SHISA9: variants seen among roughly 807,000 people sequenced by gnomAD.
SHISA9 encodes protein shisa-9.
In SHISA9, 13 loss-of-function variants were observed where a neutral mutation model predicts 38.0. That is an observed-to-expected ratio of 0.34 (90% CI 0.22 to 0.54). The LOEUF is 0.54. Among genes scored for constraint, SHISA9 ranks in the 20% least tolerant of loss-of-function variants. The pLI, the probability that SHISA9 is intolerant of heterozygous loss-of-function variation, is 0.91. For missense variants in SHISA9, 538 were observed against 575.8 expected (o/e 0.93, Z 0.67); for synonymous variants, 275 against 242.0 (o/e 1.14, Z -1.27).
chr16:13,488,677 A>G, the SHISA9 span, among the ~76,000 whole-genome samples: 1 of 152,230 alleles, frequency 6.6e-6, no homozygotes, highest in African/African-American at 2.4e-5. Flanking sequence ...GATATCATCT[A>G]AGTTTGTGTA....
downstream of SHISA9, among the ~76,000 whole-genome samples, chr16:13,240,975 G>A (rs543881785): frequency 3.9e-5 from 6 of 152,278 alleles, no homozygotes; most frequent in South Asian, 1.2e-3. Flanking sequence ...GGAAGGCAAA[G>A]CAGCTAAGAA....
intron 2 of SHISA9, among the ~76,000 whole-genome samples, chr16:13,043,279 A>G (rs1434132505): frequency 6.6e-6 from 1 of 152,202 alleles, no homozygotes; most frequent in South Asian, 2.1e-4. Context: ...TATCAGTTCC[A>G]TCCATATTCT....
At chr16:13,490,444 A>T in the SHISA9 span, among the ~76,000 whole-genome samples, 2 of 152,186 alleles carry the variant, frequency 1.3e-5, no homozygotes, top group Non-Finnish European at 2.9e-5. Context: ...GTGCACCTGT[A>T]GTCTCAGCTC....
At position 13,214,255 on chromosome 16, in the gene SHISA9, G is replaced by A. The variant is rs142778805; in HGVS notation, c.895+955G>A. Among the ~76,000 whole-genome samples the A allele has an allele frequency of 2.5e-3, 377 of 152,272 alleles. 2 individuals are homozygous for A. The highest frequency in any genetic ancestry group is 8.3e-3 in the African/African-American group (345 of 41,560). On this transcript the variant is annotated intron_variant, in intron 4 of 4. Transcript: ENST00000558583. ...ACTCTGTCACTCAGGCTAAAGTGCC[G>A]TAGTGCGATCTTGGCTCACTGCAAC...
chr16:12,904,342 A>T (rs1041042998), intron 1 of SHISA9, among the ~76,000 whole-genome samples: 3 of 152,136 alleles, frequency 2.0e-5, no homozygotes, highest in Admixed American at 6.5e-5. Context: ...ACCAGCTCTT[A>T]AAAGAGTCCT....
At chr16:12,966,405 T>C (rs915028605) in intron 2 of SHISA9, among the ~76,000 whole-genome samples, 2 of 152,178 alleles carry the variant, frequency 1.3e-5, no homozygotes, top group African/African-American at 4.8e-5. Context: ...GTGCCAACTA[T>C]GTACCAGATA....
chr16:13,205,785 A>G (rs529033510), intron 3 of SHISA9, among the ~76,000 whole-genome samples: 36 of 152,146 alleles, frequency 2.4e-4, no homozygotes, highest in Middle Eastern at 3.4e-3. Context: ...TTTTTGAGAC[A>G]GAGTCTCACT....
chr16:13,172,929 G>A (rs556092124), intron 2 of SHISA9, among the ~76,000 whole-genome samples: 23 of 152,000 alleles, frequency 1.5e-4, no homozygotes, highest in Admixed American at 8.5e-4. Flanking sequence ...CTTACTTCCC[G>A]ATCTGTTCAA....
chr16:13,185,163 T>A (rs908139186), intron 2 of SHISA9, among the ~76,000 whole-genome samples: 10 of 152,220 alleles, frequency 6.6e-5, no homozygotes, highest in African/African-American at 2.2e-4. Flanking sequence ...TAACTCATTT[T>A]TGTATTATTT....
chr16:13,284,780 G>A, the SHISA9 span, among the ~76,000 whole-genome samples: 3 of 152,048 alleles, frequency 2.0e-5, no homozygotes, highest in Non-Finnish European at 2.9e-5. Context: ...TGTATTTTTT[G>A]TAGAGGCGAG....
the SHISA9 span, among the ~76,000 whole-genome samples, chr16:13,261,591 C>T: frequency 4.6e-5 from 7 of 152,328 alleles, no homozygotes; most frequent in South Asian, 1.5e-3. Flanking sequence ...TTTGGGGCAT[C>T]CAAATCCTTG....
chr16:13,476,738 G>GTGTTT, the SHISA9 span, among the ~76,000 whole-genome samples: 1 of 65,182 alleles, frequency 1.5e-5, no homozygotes, highest in African/African-American at 5.5e-5. Flanking sequence ...CCTGTTTTGT[G>GTGTTT]TTTTTTTTTT....
chr16:12,932,008 A>C (rs139235919), intron 2 of SHISA9, among the ~76,000 whole-genome samples: 1,551 of 152,226 alleles, frequency 0.01, 7 homozygotes, highest in East Asian at 0.032. Context: ...ACAGTGAATA[A>C]GTCTCATGAG....
chr16:13,355,238 T>G, the SHISA9 span, among the ~76,000 whole-genome samples: 1 of 150,604 alleles, frequency 6.6e-6, no homozygotes, highest in African/African-American at 2.4e-5. Context: ...TTTATAGGCT[T>G]TAAAAGGCCA....
At chr16:12,923,767 G>A (rs2071358819) in intron 2 of SHISA9, among the ~76,000 whole-genome samples, 1 of 152,042 alleles carries the variant, frequency 6.6e-6, no homozygotes, top group South Asian at 2.1e-4. Flanking sequence ...CATGAATCTG[G>A]GAGGCGGAGC....
At chr16:13,137,161 C>T (rs1241541887) in intron 2 of SHISA9, among the ~76,000 whole-genome samples, 1 of 152,128 alleles carries the variant, frequency 6.6e-6, no homozygotes, top group Admixed American at 6.6e-5. Context: ...ACAATCCTAA[C>T]CTTCTGTATC....
In SHISA9 at chr16:12,977,982, A is replaced by T. The variant is rs532975935; in HGVS notation, c.691+61167A>T. On this transcript the variant is annotated intron_variant, in intron 2 of 4. Coordinates refer to ENST00000558583, the MANE Select transcript of SHISA9 (RefSeq NM_001145204.3). ...CATGTACCTTGGAACTTAAAATTTTAAAAAAAAGAAAGCATAAGAAAAAAA... is the reference window on the plus strand; with the variant it reads ...CATGTACCTTGGAACTTAAAATTTTTAAAAAAAGAAAGCATAAGAAAAAAA... Among the ~76,000 whole-genome samples, 96 of 152,140 alleles carry T rather than the reference A, an allele frequency of 6.3e-4. No individual in the cohort carries two copies. In the South Asian group the frequency reaches 9.8e-3, roughly 16 times the overall value.
chr16:13,071,692 A>C (rs965646496), intron 2 of SHISA9, among the ~76,000 whole-genome samples: 27 of 151,230 alleles, frequency 1.8e-4, no homozygotes, highest in Non-Finnish European at 2.2e-4. Flanking sequence ...GGCTGGAGTG[A>C]AGTGGCACGA....
chr16:13,420,537 G>A, the SHISA9 span, among the ~76,000 whole-genome samples: 1 of 152,126 alleles, frequency 6.6e-6, no homozygotes, highest in Admixed American at 6.5e-5. Flanking sequence ...GCACAGACAG[G>A]TTATAAAAGT....
Sources: gnomAD v4.1 joint callset for allele counts (sites outside exome capture counted in the v4.1 genomes callset) on GRCh38, gnomAD v4.1.1 for gene constraint, MANE v1.5 for transcripts, NCBI Gene and HGNC (gene_info 2026-07-23, HGNC 2026-07-21) for gene names.